SIPA1L1: variants seen among roughly 807,000 people sequenced by gnomAD.
The protein encoded by SIPA1L1 is signal induced proliferation associated 1 like 1, also known as signal-induced proliferation-associated 1-like protein 1.
A neutral mutation model predicts 162.7 loss-of-function variants in SIPA1L1; 26 were observed. That is an observed-to-expected ratio of 0.16 (90% CI 0.12 to 0.22). The LOEUF (loss-of-function observed/expected upper bound fraction) is 0.22. SIPA1L1 is among the 10% of genes least tolerant of loss of function. SIPA1L1 has a pLI of 1.00. For missense variants in SIPA1L1, 1,874 were observed against 2,241.0 expected (o/e 0.84, Z 3.31); for synonymous variants, 829 against 837.4 (o/e 0.99, Z 0.17).
chr14:71,707,386 G>A (rs1162949201), intron 16 of SIPA1L1, among the ~76,000 whole-genome samples: 1 of 152,094 alleles, frequency 6.6e-6, no homozygotes, highest in African/African-American at 2.4e-5. Context: ...ATACAATTGA[G>A]TGAGTTGTAG....
At chr14:71,515,318 C>T (rs184229423) in intron 3 of SIPA1L1, among the ~76,000 whole-genome samples, 1 of 152,322 alleles carries the variant, frequency 6.6e-6, no homozygotes, top group East Asian at 1.9e-4. Context: ...ACCCTTAGTA[C>T]ATACCCTTGA....
At chr14:71,716,933 C>T (rs1221365962) in intron 17 of SIPA1L1, among the ~76,000 whole-genome samples, 1 of 152,198 alleles carries the variant, frequency 6.6e-6, no homozygotes, top group Non-Finnish European at 1.5e-5. Flanking sequence ...AACAGTCTGG[C>T]TCTCTTGCCA....
At chr14:71,638,336 A>G (rs1236544646) in intron 7 of SIPA1L1, among the ~76,000 whole-genome samples, 1 of 152,230 alleles carries the variant, frequency 6.6e-6, no homozygotes, top group South Asian at 2.1e-4. Flanking sequence ...AAAATTTTGT[A>G]GACCATGACC....
chr14:71,364,586 C>A (rs41226), intron 2 of SIPA1L1, among the ~76,000 whole-genome samples: 4 of 151,872 alleles, frequency 2.6e-5, no homozygotes, highest in African/African-American at 9.7e-5. Context: ...TGTGCACTTA[C>A]CAGTTAAAGG....
intron 6 of SIPA1L1, among the ~76,000 whole-genome samples, chr14:71,621,769 G>A (rs928131506): frequency 1.3e-5 from 2 of 152,054 alleles, no homozygotes; most frequent in African/African-American, 4.8e-5. Flanking sequence ...TTGCCTCCCT[G>A]TTTCTCACTT....
intron 20 of SIPA1L1, among the ~76,000 whole-genome samples, chr14:71,732,848 G>A (rs1436591278): frequency 6.6e-6 from 1 of 152,134 alleles, no homozygotes; most frequent in Non-Finnish European, 1.5e-5. Context: ...GAACCCAGTG[G>A]GCTGCCCCTC....
chr14:71,592,724 C>T (rs2147761109), intron 5 of SIPA1L1, among the ~76,000 whole-genome samples: 1 of 152,254 alleles, frequency 6.6e-6, no homozygotes, highest in East Asian at 1.9e-4. Context: ...AAGCTATAAT[C>T]ACTTTATTAT....
chr14:71,665,770 G>GC (rs2043944180), intron 10 of SIPA1L1, among the ~76,000 whole-genome samples: 1 of 152,060 alleles, frequency 6.6e-6, no homozygotes, highest in Non-Finnish European at 1.5e-5. Flanking sequence ...CATGGATAGT[G>GC]CCTACCCCTA....
intron 5 of SIPA1L1, among the ~76,000 whole-genome samples, chr14:71,611,130 A>G (rs191887776): frequency 1.1e-3 from 161 of 152,308 alleles, no homozygotes; most frequent in African/African-American, 3.7e-3. Flanking sequence ...TTTGAGGACC[A>G]GAAACTGAGA....
At chr14:71,626,196 A>T (rs1231788547) in intron 7 of SIPA1L1, among the ~76,000 whole-genome samples, 1 of 152,222 alleles carries the variant, frequency 6.6e-6, no homozygotes, top group East Asian at 1.9e-4. Context: ...CAAAATTAAA[A>T]TTTGGCAATC....
At chr14:71,520,203 G>A (rs1279539716) in intron 3 of SIPA1L1, among the ~76,000 whole-genome samples, 1 of 152,142 alleles carries the variant, frequency 6.6e-6, no homozygotes, top group Non-Finnish European at 1.5e-5. Context: ...ACCTCCATAT[G>A]AAATACTTAC....
Position 71,723,753 on chromosome 14 carries a change from T to C in SIPA1L1, c.4315T>C (p.Phe1439Leu), listed in dbSNP as rs1027268607. 17 of 1,614,104 alleles carry C rather than the reference T, an allele frequency of 1.1e-5. No homozygotes were observed. The highest frequency in any genetic ancestry group is 1.3e-5 in the African/African-American group (1 of 74,932). ...PAAPSQLAPS[F>L]SSSSSSSSGP... ...TGCCCCCTCACAGCTCGCACCATCC[T>C]TCTCCTCCTCTTCCTCCTCCTCCTC... The change falls in exon 18 of 24, where the codon TTC becomes CTC. Residue 1439 changes from phenylalanine to leucine, a missense_variant. Transcript: ENST00000381232.
At chr14:71,665,810 C>G (rs572931526) in intron 10 of SIPA1L1, among the ~76,000 whole-genome samples, 2 of 152,146 alleles carry the variant, frequency 1.3e-5, no homozygotes, top group Admixed American at 1.3e-4. Context: ...TATATGATAA[C>G]GTTTAATTTC....
chr14:71,539,921 T>G (rs1264609920), intron 4 of SIPA1L1, among the ~76,000 whole-genome samples: 1 of 152,158 alleles, frequency 6.6e-6, no homozygotes, highest in African/African-American at 2.4e-5. Flanking sequence ...ACCCTAAGGG[T>G]GAAGAGAAGC....
In SIPA1L1 at chr14:71,700,862, C is replaced by G. The variant is rs190319688; in HGVS notation, c.3522-1519C>G. Reference sequence around the variant, plus strand: ...ACAAAAAATTAGCTGGGTGTGGTGGCGGGTGCCCGCAGTCCCAGCTACTCA... The same window carrying G: ...ACAAAAAATTAGCTGGGTGTGGTGGGGGGTGCCCGCAGTCCCAGCTACTCA... On this transcript the variant is annotated intron_variant, in intron 14 of 23. Coordinates refer to ENST00000381232, the MANE Select transcript of SIPA1L1 (RefSeq NM_001386936.1). Among the ~76,000 whole-genome samples the G allele has an allele frequency of 1.5e-4, 23 of 151,766 alleles. No homozygotes were observed. The East Asian group carries it at 4.1e-3, about 27-fold the overall frequency.
At chr14:71,691,553 A>G (rs1282831473) in intron 13 of SIPA1L1, among the ~76,000 whole-genome samples, 2 of 152,172 alleles carry the variant, frequency 1.3e-5, no homozygotes, top group Non-Finnish European at 2.9e-5. Context: ...TGATCACGCC[A>G]CTGCACTTCA....
Position 71,357,835 on chromosome 14 carries a change from C to A in SIPA1L1, c.-465+36654C>A, listed in dbSNP as rs770336156. ...CTCTGCCTCCTGGGCTCAAGCAATT[C>A]TTGTGCCTCAGCCTTCCAAGTAGCT... On this transcript the variant is annotated intron_variant, in intron 2 of 23. Coordinates refer to ENST00000381232, the MANE Select transcript of SIPA1L1 (RefSeq NM_001386936.1). Among the ~76,000 whole-genome samples, 122 of 152,222 alleles carry A rather than the reference C, an allele frequency of 8.0e-4. 5 individuals are homozygous for A. The highest frequency in any genetic ancestry group is 2.1e-4 in the Non-Finnish European group (14 of 68,042).
intron 20 of SIPA1L1, among the ~76,000 whole-genome samples, chr14:71,732,378 G>C (rs946760053): frequency 1.3e-5 from 2 of 152,062 alleles, no homozygotes; most frequent in Non-Finnish European, 2.9e-5. Flanking sequence ...GCTCCTTCTC[G>C]TGGAGTGGTG....
chr14:71,611,062 G>A (rs991960952), intron 5 of SIPA1L1, among the ~76,000 whole-genome samples: 3 of 152,106 alleles, frequency 2.0e-5, no homozygotes, highest in Non-Finnish European at 2.9e-5. Flanking sequence ...ATTATGGTGC[G>A]AAGTCCTAGG....
Sources: allele counts gnomAD v4.1 joint callset (sites outside exome capture counted in the v4.1 genomes callset), GRCh38; gene constraint gnomAD v4.1.1; transcripts MANE v1.5; gene names NCBI Gene and HGNC (gene_info 2026-07-23, HGNC 2026-07-21).